PDE4D: variants seen among roughly 807,000 people sequenced by gnomAD.
PDE4D encodes phosphodiesterase 4D, also known as 3',5'-cyclic-AMP phosphodiesterase 4D.
Under a neutral mutation model 87.4 loss-of-function variants are expected in PDE4D, and 24 were observed. That is an observed-to-expected ratio of 0.27 (90% CI 0.20 to 0.39). PDE4D has a LOEUF of 0.39. Ranked by LOEUF, PDE4D falls within the 10% of genes least tolerant of loss-of-function variation. The probability of loss-of-function intolerance (pLI) is 1.00; values close to 1 mark genes in which losing one functional copy is unlikely to be tolerated. For synonymous variants in PDE4D, 384 were observed against 383.2 expected (o/e 1.00, Z -0.02); for missense variants, 714 against 1,041.0 (o/e 0.69, Z 4.32).
intron 1 of PDE4D, among the ~76,000 whole-genome samples, chr5:60,231,135 A>G (rs1045114293): frequency 6.6e-6 from 1 of 151,986 alleles, no homozygotes; most frequent in Admixed American, 6.6e-5. Context: ...GGGTGGGGAG[A>G]ACAGATTCAT....
intron 1 of PDE4D, among the ~76,000 whole-genome samples, chr5:59,719,971 T>A (rs972942362): frequency 3.9e-5 from 6 of 152,154 alleles, no homozygotes; most frequent in Non-Finnish European, 8.8e-5. Context: ...ATTTTTCCCA[T>A]AAAATTCTCC....
chr5:60,230,935 G>C (rs917679827), intron 1 of PDE4D, among the ~76,000 whole-genome samples: 1 of 152,146 alleles, frequency 6.6e-6, no homozygotes, highest in Non-Finnish European at 1.5e-5. Flanking sequence ...AGGGGTTAAG[G>C]TTTGCTTTCT....
chr5:59,816,456 G>A (rs1398952920), intron 1 of PDE4D, among the ~76,000 whole-genome samples: 2 of 152,182 alleles, frequency 1.3e-5, no homozygotes, highest in African/African-American at 4.8e-5. Flanking sequence ...AATGAGAGAA[G>A]GATCCTGCCC....
At chr5:60,314,907 T>C (rs1020368212) in intron 1 of PDE4D, among the ~76,000 whole-genome samples, 2 of 152,214 alleles carry the variant, frequency 1.3e-5, no homozygotes, top group African/African-American at 4.8e-5. Flanking sequence ...TTGGCTTGGT[T>C]CCAAGTCTTT....
intron 1 of PDE4D, among the ~76,000 whole-genome samples, chr5:59,246,691 C>T (rs1266049146): frequency 1.3e-5 from 2 of 152,114 alleles, no homozygotes; most frequent in Non-Finnish European, 2.9e-5. Context: ...GAATCTTCCA[C>T]CACTGTTCTT....
chr5:58,996,865 T>C (rs1749347796), intron 6 of PDE4D, among the ~76,000 whole-genome samples: 1 of 152,158 alleles, frequency 6.6e-6, no homozygotes. Flanking sequence ...CTAAATATTG[T>C]ACAGACTAGA....
chr5:59,568,102 A>G lies in PDE4D; in HGVS notation c.455+325066T>C, dbSNP rs150305758. 1.9e-3 allele frequency among the ~76,000 whole-genome samples: 285 copies of G among 152,324 alleles called. 1 individual carries two copies. Among genetic ancestry groups the G allele is most frequent in the African/African-American group, 6.5e-3 (270 of 41,576 alleles). ...CTGAATCTATGATGAGGAAGGAGTT[A>G]TATTGTTGATAAGCCTCAAGTATTG... On this transcript the variant is annotated intron_variant, in intron 1 of 14. Coordinates refer to ENST00000340635, the MANE Select transcript of PDE4D (RefSeq NM_001104631.2).
At chr5:60,376,305 A>G (rs1761432899) in intron 1 of PDE4D, among the ~76,000 whole-genome samples, 1 of 152,116 alleles carries the variant, frequency 6.6e-6, no homozygotes. Flanking sequence ...TATTTAACAG[A>G]AGCAAAAAAC....
At chr5:59,347,269 A>G (rs1779761538) in intron 1 of PDE4D, among the ~76,000 whole-genome samples, 1 of 152,148 alleles carries the variant, frequency 6.6e-6, no homozygotes, top group African/African-American at 2.4e-5. Context: ...CTCTGCCATT[A>G]CATTCCTTTA....
intron 1 of PDE4D, among the ~76,000 whole-genome samples, chr5:60,332,680 C>G (rs2149873403): frequency 6.6e-6 from 1 of 152,246 alleles, no homozygotes; most frequent in African/African-American, 2.4e-5. Context: ...AATATATTCA[C>G]TCAAATTTAT....
chr5:60,282,206 A>AT (rs1304970366), intron 1 of PDE4D, among the ~76,000 whole-genome samples: 2 of 74,904 alleles, frequency 2.7e-5, no homozygotes, highest in Admixed American at 1.3e-4. Context: ...GAGAGAAATA[A>AT]ACATATATAT....
chr5:60,504,437 T>A (rs1750234522), intron 1 of PDE4D, among the ~76,000 whole-genome samples: 1 of 151,986 alleles, frequency 6.6e-6, no homozygotes, highest in South Asian at 2.1e-4. Flanking sequence ...TTGAGGTAGG[T>A]GGTATAGTAC....
intron 1 of PDE4D, among the ~76,000 whole-genome samples, chr5:59,437,980 T>C (rs1309230652): frequency 6.6e-6 from 1 of 151,978 alleles, no homozygotes; most frequent in African/African-American, 2.4e-5. Flanking sequence ...AGAGAATGAG[T>C]GCCAGCAGGG....
At chr5:59,509,180 GA>G (rs1311052144) in intron 1 of PDE4D, among the ~76,000 whole-genome samples, 1 of 151,690 alleles carries the variant, frequency 6.6e-6, no homozygotes, top group Non-Finnish European at 1.5e-5. Context: ...CACCCAAAAA[GA>G]AAAAAGTAAC....
chr5:59,460,980 C>G (rs893138959), intron 1 of PDE4D, among the ~76,000 whole-genome samples: 1 of 152,146 alleles, frequency 6.6e-6, no homozygotes, highest in Non-Finnish European at 1.5e-5. Flanking sequence ...AGATATGTGT[C>G]AGCCATGAAG....
chr5:60,228,834 C>T lies in PDE4D; in HGVS notation c.-89-43147G>A, dbSNP rs79285349. 5.8e-3 allele frequency among the ~76,000 whole-genome samples: 889 copies of T among 152,158 alleles called. 6 individuals carry two copies. The highest frequency in any genetic ancestry group is 7.9e-3 in the Non-Finnish European group (535 of 67,974). Reference sequence around the variant, plus strand: ...AGTCATCCCAGCATCCCAACTGAGCCTAGCTCCAGCTCACTGCAAACCTGC... The same window carrying T: ...AGTCATCCCAGCATCCCAACTGAGCTTAGCTCCAGCTCACTGCAAACCTGC... On this transcript the variant is annotated intron_variant, in intron 1 of 16. Coordinates refer to the PDE4D transcript ENST00000502484.
At chr5:59,268,442 T>G (rs1340879793) in intron 1 of PDE4D, among the ~76,000 whole-genome samples, 1 of 152,050 alleles carries the variant, frequency 6.6e-6, no homozygotes, top group Non-Finnish European at 1.5e-5. Flanking sequence ...CACAGTTATA[T>G]TTAACAGTGT....
chr5:60,296,178 T>C (rs889779413), intron 1 of PDE4D, among the ~76,000 whole-genome samples: 1 of 152,140 alleles, frequency 6.6e-6, no homozygotes, highest in African/African-American at 2.4e-5. Flanking sequence ...GACACAAACA[T>C]TCAGACCATA....
At chr5:59,073,898 G>C (rs1474685406) in intron 5 of PDE4D, among the ~76,000 whole-genome samples, 3 of 152,146 alleles carry the variant, frequency 2.0e-5, no homozygotes, top group Non-Finnish European at 4.4e-5. Context: ...GTCATCTTGA[G>C]ACCATAAGAG....
Sources: gnomAD v4.1 joint callset for allele counts (sites outside exome capture counted in the v4.1 genomes callset) on GRCh38, gnomAD v4.1.1 for gene constraint, MANE v1.5 for transcripts, NCBI Gene and HGNC (gene_info 2026-07-23, HGNC 2026-07-21) for gene names.